The following ISG20 variants were observed in gnomAD, a reference collection of about 807,000 sequenced individuals.
ISG20 encodes the protein interferon-stimulated gene 20 kDa protein.
Under a neutral mutation model 11.1 loss-of-function variants are expected in ISG20, and 8 were observed. The observed-to-expected ratio is 0.72, with a 90% CI of 0.42 to 1.30. ISG20 has a LOEUF of 1.30. Among genes scored for constraint, ISG20 ranks in the 50% most tolerant of loss-of-function variants. The pLI, the probability that ISG20 is intolerant of heterozygous loss-of-function variation, is 0.01. For synonymous variants in ISG20, 110 were observed against 101.7 expected, an observed-to-expected ratio of 1.08 and a Z score of -0.49; for missense variants, 243 against 250.2, an observed-to-expected ratio of 0.97 and a Z score of 0.19.
rs145115702 is a variant in ISG20 at position 88,641,004 on chromosome 15, T to A, written c.228+1410T>A. On this transcript the variant is annotated intron_variant, in intron 2 of 3. Coordinates refer to ENST00000306072, the MANE Select transcript of ISG20 (RefSeq NM_002201.6). Reference sequence around the variant, plus strand: ...TTTGTATGTCTGTTTTATTATTATTTTTTTTTTAACCGGAGTCTCTCTCTG... The same window carrying A: ...TTTGTATGTCTGTTTTATTATTATTATTTTTTTAACCGGAGTCTCTCTCTG... Among the ~76,000 whole-genome samples the A allele has an allele frequency of 8.5e-3, 1,286 of 152,176 alleles. 5 individuals are homozygous for A. The highest frequency in any genetic ancestry group is 0.017 in the Middle Eastern group (5 of 294).
upstream of ISG20, among the ~76,000 whole-genome samples, chr15:88,637,867 A>ATT (rs1300145545): frequency 2.0e-5 from 3 of 152,178 alleles, no homozygotes; most frequent in Non-Finnish European, 2.9e-5. Flanking sequence ...ACCTTTATGC[A>ATT]TTTGAAAAGC....
At position 88,650,451 on chromosome 15, in the gene ISG20, G is replaced by T; in HGVS notation, c.229-1659G>T. On this transcript the variant is annotated intron_variant, in intron 2 of 3. Coordinates refer to ENST00000306072, the MANE Select transcript of ISG20 (RefSeq NM_002201.6). This position sits in a 1 kb window ranked among gnomAD's most constrained non-coding sequence, Gnocchi z 4.0. ...AGGCGGGCTCTGGATTCATCCCACT[G>T]GCTTCAAGGCCTGGCTTTGCCACTA... is the stretch of plus-strand genomic sequence containing the variant. The T allele has an allele frequency of 6.9e-7, 1 of 1,459,622 alleles. No individual in the cohort carries two copies. The highest frequency in any genetic ancestry group is 1.4e-5 in the South Asian group (1 of 71,214). The allele number at this position is 1,459,622 out of a possible 1,614,324, so 90.4% of individuals were successfully genotyped here.
chr15:88,642,854 G>C (rs1462437009), intron 2 of ISG20, among the ~76,000 whole-genome samples: 1 of 152,020 alleles, frequency 6.6e-6, no homozygotes, highest in Non-Finnish European at 1.5e-5. Flanking sequence ...CACCTCAAGT[G>C]ATCCACCCAC....
At chr15:88,640,484 A>G (rs2058062017) in intron 2 of ISG20, among the ~76,000 whole-genome samples, 1 of 152,230 alleles carries the variant, frequency 6.6e-6, no homozygotes, top group African/African-American at 2.4e-5. Context: ...CTGTTAACGC[A>G]GAGTTAAGAG....
chr15:88,644,676 A>G (rs934803599), intron 2 of ISG20, among the ~76,000 whole-genome samples: 4 of 152,166 alleles, frequency 2.6e-5, no homozygotes, highest in South Asian at 2.1e-4. Flanking sequence ...GAGAGTCACC[A>G]GAAAGGTGAG....
chr15:88,653,431 C>T (rs528123079), intron 3 of ISG20, among the ~76,000 whole-genome samples: 13 of 152,262 alleles, frequency 8.5e-5, no homozygotes, highest in African/African-American at 3.1e-4. Flanking sequence ...ACGGAGCCCG[C>T]CCCTAGCCTG....
At chr15:88,651,157 C>T in intron 2 of ISG20, 2 of 973,808 alleles carry the variant, frequency 2.1e-6, no homozygotes, top group Non-Finnish European at 2.4e-6. Context: ...TTGATTCCAT[C>T]TTTTTTAAGA....
In ISG20 at chr15:88,643,030, C is replaced by T. The variant is rs1049142766; in HGVS notation, c.228+3436C>T. On this transcript the variant is annotated intron_variant, in intron 2 of 3. Transcript: ENST00000306072. The surrounding 1 kb of genome is among the most constrained non-coding windows in gnomAD (Gnocchi z 4.4). ...CTTGAGCCCAGGAGTTTGAGACCAGCCTGGGCAAGATGGTGAGATCTCCTC... is the reference window on the plus strand; with the variant it reads ...CTTGAGCCCAGGAGTTTGAGACCAGTCTGGGCAAGATGGTGAGATCTCCTC... Among the ~76,000 whole-genome samples, 2 of 151,818 alleles carry T rather than the reference C, an allele frequency of 1.3e-5. No homozygotes were observed. The highest frequency in any genetic ancestry group is 2.9e-5 in the Non-Finnish European group (2 of 67,974).
chr15:88,636,329 G>C (rs1224798383), upstream of ISG20: 3 of 152,092 alleles, frequency 2.0e-5, no homozygotes, highest in African/African-American at 7.2e-5. Flanking sequence ...GGCTGGGGTC[G>C]GGCTTCTCTC....
chr15:88,639,826 G>C lies in ISG20; in HGVS notation c.228+232G>C, dbSNP rs899380435. 1.3e-5 allele frequency among the ~76,000 whole-genome samples: 2 copies of C among 152,180 alleles called. No homozygotes were observed. Among genetic ancestry groups the C allele is most frequent in the Admixed American group, 1.3e-4 (2 of 15,280 alleles). ...CCTTTGGGGCATCTATCTGGATCTG[G>C]TCCAACTTGCCGGTCTTAAAATGGG... is the stretch of plus-strand genomic sequence containing the variant. On this transcript the variant is annotated intron_variant, in intron 2 of 3. Transcript: ENST00000306072. The surrounding 1 kb of genome is among the most constrained non-coding windows in gnomAD (Gnocchi z 4.2).
chr15:88,650,702 A>C lies in ISG20; in HGVS notation c.229-1408A>C, dbSNP rs937496394. On this transcript the variant is annotated intron_variant, in intron 2 of 3. Transcript: ENST00000306072. This position sits in a 1 kb window ranked among gnomAD's most constrained non-coding sequence, Gnocchi z 4.0. ...GGTGGCTGGTGCTGGCCTGCCTTGGACACATCACTATCTCGGTGGCTTTTC... is the reference window on the plus strand; with the variant it reads ...GGTGGCTGGTGCTGGCCTGCCTTGGCCACATCACTATCTCGGTGGCTTTTC... The C allele has an allele frequency of 4.9e-6, 1 of 204,810 alleles. No homozygotes were observed. Among genetic ancestry groups the C allele is most frequent in the African/African-American group, 2.3e-5 (1 of 42,906 alleles). 12.7% of individuals were successfully genotyped at this position (204,810 alleles called of 1,614,324 possible). A position where few individuals can be genotyped will look rare whatever the true frequency, so the allele number is the denominator to read the frequency against.
At chr15:88,645,031 AGAG>A (rs1000298002) in intron 2 of ISG20, among the ~76,000 whole-genome samples, 2 of 152,178 alleles carry the variant, frequency 1.3e-5, no homozygotes, top group Non-Finnish European at 2.9e-5. Flanking sequence ...TTTCTCAGTT[AGAG>A]GATATGCCAA....
chr15:88,642,568 T>C (rs1334367105), intron 2 of ISG20, among the ~76,000 whole-genome samples: 1 of 152,038 alleles, frequency 6.6e-6, no homozygotes, highest in Non-Finnish European at 1.5e-5. Flanking sequence ...AGACCTGGAG[T>C]GTAGCTGGTT....
chr15:88,653,397 AG>A (rs1213670352), intron 3 of ISG20, among the ~76,000 whole-genome samples: 1 of 152,104 alleles, frequency 6.6e-6, no homozygotes, highest in Non-Finnish European at 1.5e-5. Context: ...TCAAAGCCTG[AG>A]GCTCGGGGAG....
At chr15:88,644,632 TGAAGAAAACGTTAGGAAAG>T (rs1596049773) in intron 2 of ISG20, among the ~76,000 whole-genome samples, 2 of 143,808 alleles carry the variant, frequency 1.4e-5, no homozygotes, top group South Asian at 4.5e-4. Flanking sequence ...AGAATTGGAG[TGAAGAAAACGTTAGGAAAG>T]GAAGAAAACG....
upstream of ISG20, among the ~76,000 whole-genome samples, chr15:88,635,745 T>C (rs192823182): frequency 1.6e-4 from 24 of 152,152 alleles, no homozygotes; most frequent in East Asian, 4.2e-3. Context: ...ATGTGCATAT[T>C]TTATGGTAGT....
chr15:88,650,566 C>A lies in ISG20; in HGVS notation c.229-1544C>A. Reference sequence around the variant, plus strand: ...TCAAACAATGTCAATACTTATTTCGCTCGGCCACCTGCAGTTTGGGCAGGT... The same window carrying A: ...TCAAACAATGTCAATACTTATTTCGATCGGCCACCTGCAGTTTGGGCAGGT... On this transcript the variant is annotated intron_variant, in intron 2 of 3. Coordinates refer to ENST00000306072, the MANE Select transcript of ISG20 (RefSeq NM_002201.6). The surrounding 1 kb of genome is among the most constrained non-coding windows in gnomAD (Gnocchi z 4.0). 1.1e-6 allele frequency: 1 copy of A among 899,770 alleles called. No homozygotes were observed. Among genetic ancestry groups the A allele is most frequent in the Non-Finnish European group, 1.5e-6 (1 of 653,346 alleles). 55.7% of individuals were successfully genotyped at this position (899,770 alleles called of 1,614,324 possible).
rs2063708510 is a variant in ISG20 at position 88,650,474 on chromosome 15, C to CT, written c.229-1635dup. On this transcript the variant is annotated intron_variant, in intron 2 of 3. Transcript: ENST00000306072. This position sits in a 1 kb window ranked among gnomAD's most constrained non-coding sequence, Gnocchi z 4.0. The stretch of plus-strand genomic sequence containing the variant: ...CTGGCTTCAAGGCCTGGCTTTGCCA[C>CT]TAACTAGCCGTGTGACTGTCCCAGT... 4.9e-6 allele frequency: 7 copies of CT among 1,440,754 alleles called. No individual in the cohort carries two copies. The highest frequency in any genetic ancestry group is 5.1e-4 in the Middle Eastern group (2 of 3,928). 89.2% of individuals were successfully genotyped at this position (1,440,754 alleles called of 1,614,324 possible).
Position 88,655,842 on chromosome 15 carries a change from A to C in ISG20, c.*311A>C. On this transcript the variant is annotated 3_prime_UTR_variant, in exon 4 of 4. Coordinates refer to ENST00000306072, the MANE Select transcript of ISG20 (RefSeq NM_002201.6). Reference sequence around the variant, plus strand: ...TAAGTAGCATGTGGCTTAATTACTAATCCCACCCTTTGCTGTTGCATCCCA... The same window carrying C: ...TAAGTAGCATGTGGCTTAATTACTACTCCCACCCTTTGCTGTTGCATCCCA... 8.3e-6 allele frequency: 2 copies of C among 240,862 alleles called. No homozygotes were observed. Among genetic ancestry groups the C allele is most frequent in the East Asian group, 1.3e-4 (1 of 7,496 alleles). 14.9% of individuals were successfully genotyped at this position (240,862 alleles called of 1,614,324 possible). A position where few individuals can be genotyped will look rare whatever the true frequency, so the allele number is the denominator to read the frequency against.
Sources: allele counts gnomAD v4.1 joint callset (sites outside exome capture counted in the v4.1 genomes callset), GRCh38; gene constraint gnomAD v4.1.1; non-coding constraint Gnocchi (gnomAD v3.1); transcripts MANE v1.5; gene names NCBI Gene and HGNC (gene_info 2026-07-23, HGNC 2026-07-21).